PODXL: variants seen among roughly 807,000 people sequenced by gnomAD.
PODXL encodes podocalyxin.
PODXL carries 20 observed loss-of-function variants against 48.9 expected under a neutral mutation model. That is an observed-to-expected ratio of 0.41 (90% confidence interval 0.29 to 0.59). PODXL has a LOEUF of 0.59. PODXL is among the 20% of genes least tolerant of loss of function. The pLI is 0.31. For synonymous variants in PODXL, 295 were observed against 287.4 expected (o/e 1.03, Z -0.27); for missense variants, 606 against 675.1 (o/e 0.90, Z 1.13).
At chr7:131,541,690 ACAAACAAAC>A (rs1342975452) in intron 1 of PODXL, among the ~76,000 whole-genome samples, 1 of 149,700 alleles carries the variant, frequency 6.7e-6, no homozygotes, top group African/African-American at 2.5e-5. Flanking sequence ...AAAAAAAAAG[ACAAACAAAC>A]CAAGTAAGTG....
intron 3 of PODXL, 84 bp from the exon 4 acceptor site, chr7:131,509,669 T>C (rs1398748916): frequency 3.1e-6 from 3 of 961,478 alleles, no homozygotes; most frequent in Admixed American, 5.2e-5. Flanking sequence ...TCTAATAGTT[T>C]TCCCAGGTTC....
intron 1 of PODXL, among the ~76,000 whole-genome samples, chr7:131,534,120 G>A (rs1166528790): frequency 6.6e-6 from 1 of 151,944 alleles, no homozygotes; most frequent in South Asian, 2.1e-4. Context: ...ACTCCCTCTC[G>A]AGCCACTCAC....
intron 1 of PODXL, among the ~76,000 whole-genome samples, chr7:131,535,143 G>C (rs1476484631): frequency 2.6e-5 from 4 of 152,332 alleles, no homozygotes; most frequent in African/African-American, 9.6e-5. Context: ...TGAGATATGT[G>C]TTATTATCTC....
At chr7:131,505,806 A>T in intron 8 of PODXL, 62 bp downstream of exon 8, 2 of 1,455,040 alleles carry the variant, frequency 1.4e-6, no homozygotes, top group African/African-American at 1.4e-5. Context: ...GGGAATCACG[A>T]GGGGAGGGTT....
At chr7:131,540,338 TGTCTG>T (rs1435160082) in intron 1 of PODXL, among the ~76,000 whole-genome samples, 1 of 152,136 alleles carries the variant, frequency 6.6e-6, no homozygotes, top group Non-Finnish European at 1.5e-5. Context: ...TGAGCCACAG[TGTCTG>T]GCCTATTATG....
chr7:131,540,857 T>C (rs1200639238), intron 1 of PODXL, among the ~76,000 whole-genome samples: 2 of 152,152 alleles, frequency 1.3e-5, no homozygotes, highest in East Asian at 1.9e-4. Flanking sequence ...GGCTGTGGGA[T>C]AGTCACCTCT....
chr7:131,514,527 G>A (rs971599999), intron 1 of PODXL, among the ~76,000 whole-genome samples: 6 of 152,040 alleles, frequency 3.9e-5, no homozygotes, highest in African/African-American at 1.4e-4. Context: ...GCATCATAGT[G>A]TCATCTGGCA....
At chr7:131,534,214 G>A (rs1232570588) in intron 1 of PODXL, among the ~76,000 whole-genome samples, 3 of 152,216 alleles carry the variant, frequency 2.0e-5, no homozygotes, top group Non-Finnish European at 4.4e-5. Flanking sequence ...AGGCATGGCT[G>A]ATCTGGGGAG....
chr7:131,536,879 C>A (rs1272731417), intron 1 of PODXL, among the ~76,000 whole-genome samples: 2 of 152,220 alleles, frequency 1.3e-5, no homozygotes, highest in African/African-American at 2.4e-5. Context: ...AATCCCAGCA[C>A]TTTGGGAGGC....
At chr7:131,550,021 A>C (rs1331244510) in intron 1 of PODXL, among the ~76,000 whole-genome samples, 1 of 152,206 alleles carries the variant, frequency 6.6e-6, no homozygotes, top group African/African-American at 2.4e-5. Flanking sequence ...ACAATGCAAG[A>C]GCTTGGGATG....
intron 1 of PODXL, 150 bp from the exon 2 acceptor site, chr7:131,511,583 C>T (rs968255642): frequency 4.1e-5 from 29 of 710,526 alleles, no homozygotes; most frequent in Admixed American, 2.4e-4. Flanking sequence ...CCAGAATTTT[C>T]GGAGGTTCAA....
intron 1 of PODXL, among the ~76,000 whole-genome samples, chr7:131,525,477 G>C (rs1014621447): frequency 6.7e-6 from 1 of 150,166 alleles, no homozygotes; most frequent in Non-Finnish European, 1.5e-5. Context: ...AGGCATGGTG[G>C]TGCGTGCCTG....
intron 1 of PODXL, among the ~76,000 whole-genome samples, chr7:131,525,149 A>G (rs1018810713): frequency 6.6e-6 from 1 of 152,218 alleles, no homozygotes; most frequent in African/African-American, 2.4e-5. Context: ...AGGATCCACA[A>G]GACTCTGCAT....
intron 1 of PODXL, among the ~76,000 whole-genome samples, chr7:131,553,500 A>C (rs1353061348): frequency 6.6e-6 from 1 of 152,128 alleles, no homozygotes; most frequent in Non-Finnish European, 1.5e-5. Flanking sequence ...CTATTTTTTG[A>C]GTGTTGATCC....
intron 1 of PODXL, among the ~76,000 whole-genome samples, chr7:131,549,095 A>G (rs948779252): frequency 2.0e-5 from 3 of 152,134 alleles, no homozygotes; most frequent in Admixed American, 6.5e-5. Context: ...ACCAATGAAC[A>G]CATATCAGGT....
intron 1 of PODXL, among the ~76,000 whole-genome samples, chr7:131,542,121 AGG>A (rs1326270501): frequency 6.6e-6 from 1 of 152,206 alleles, no homozygotes; most frequent in Non-Finnish European, 1.5e-5. Context: ...GAAAGGGGTC[AGG>A]TTTGCTTAGA....
chr7:131,551,018 G>A (rs1208809136), intron 1 of PODXL, among the ~76,000 whole-genome samples: 3 of 152,130 alleles, frequency 2.0e-5, no homozygotes, highest in Admixed American at 6.5e-5. Flanking sequence ...TTTGCCAACC[G>A]AATTCCACAT....
intron 1 of PODXL, among the ~76,000 whole-genome samples, chr7:131,521,799 G>A (rs553157060): frequency 2.6e-5 from 4 of 152,290 alleles, no homozygotes; most frequent in African/African-American, 7.2e-5. Context: ...AAACCCTTGC[G>A]GGTGGGGCTG....
At chr7:131,510,567 G>A (rs1051307523) in intron 2 of PODXL, among the ~76,000 whole-genome samples, 4 of 150,960 alleles carry the variant, frequency 2.6e-5, no homozygotes, top group African/African-American at 9.7e-5. Flanking sequence ...CCCCTCTCAG[G>A]TTCAAGCAAT....
Sources: gnomAD v4.1 joint callset for allele counts (sites outside exome capture counted in the v4.1 genomes callset) on GRCh38, gnomAD v4.1.1 for gene constraint, MANE v1.5 for transcripts, NCBI Gene and HGNC (gene_info 2026-07-23, HGNC 2026-07-21) for gene names.